The following KANK1 variants were observed in gnomAD, a reference collection of about 807,000 sequenced individuals.
KANK1 encodes KN motif and ankyrin repeat domains 1.
In KANK1, 109 loss-of-function variants were observed where a neutral mutation model predicts 106.2. The observed-to-expected ratio is 1.03, with a 90% CI of 0.88 to 1.20. The LOEUF is 1.20. Ranked by LOEUF, KANK1 falls within the 50% of genes most tolerant of loss-of-function variation. The pLI, the probability that KANK1 is intolerant of heterozygous loss-of-function variation, is 0.00. For missense variants in KANK1, 2,399 were observed against 1,710.7 expected (o/e 1.40, Z -7.10); for synonymous variants, 873 against 652.2 (o/e 1.34, Z -5.16).
chr9:580,344 T>C (rs930776180), intron 1 of KANK1, among the ~76,000 whole-genome samples: 1 of 152,130 alleles, frequency 6.6e-6, no homozygotes, highest in Non-Finnish European at 1.5e-5. Context: ...GCAAGATTTA[T>C]TGCAAAGAGT....
chr9:477,573 T>G (rs546733799), intron 3 of KANK1, among the ~76,000 whole-genome samples: 2 of 152,246 alleles, frequency 1.3e-5, no homozygotes, highest in South Asian at 2.1e-4. Flanking sequence ...GAAGAAAAGA[T>G]AGAGATTAAA....
At chr9:605,270 C>A (rs1397559252) in intron 1 of KANK1, among the ~76,000 whole-genome samples, 2 of 139,766 alleles carry the variant, frequency 1.4e-5, no homozygotes, top group African/African-American at 2.7e-5. Context: ...CACTGCACTC[C>A]AGCCTGGGCA....
chr9:707,268 G>A, intron 2 of KANK1: 1 of 980,782 alleles, frequency 1.0e-6, no homozygotes, highest in Non-Finnish European at 1.2e-6. Flanking sequence ...TGCGAGCGGC[G>A]TGGGGCGGCC....
intron 1 of KANK1, among the ~76,000 whole-genome samples, chr9:524,921 T>G (rs1362765189): frequency 6.6e-6 from 1 of 151,422 alleles, no homozygotes; most frequent in African/African-American, 2.5e-5. Context: ...TTAACATGCT[T>G]GTAAACTACT....
intron 3 of KANK1, among the ~76,000 whole-genome samples, chr9:720,672 T>G (rs996103708): frequency 6.6e-6 from 1 of 152,180 alleles, no homozygotes; most frequent in Admixed American, 6.5e-5. Context: ...TTGTTTTTCC[T>G]CAGAGACGGG....
chr9:734,870 T>A, intron 7 of KANK1, 35 bp downstream of exon 7: 1 of 1,488,824 alleles, frequency 6.7e-7, no homozygotes, highest in Non-Finnish European at 9.4e-7. Context: ...CCCCAGTGTG[T>A]ACAAAGTGCA....
chr9:721,444 C>T (rs1297973581), intron 3 of KANK1, among the ~76,000 whole-genome samples: 2 of 152,288 alleles, frequency 1.3e-5, no homozygotes, highest in Non-Finnish European at 2.9e-5. Flanking sequence ...ATGGCAAATA[C>T]TTACTCTTGC....
At chr9:679,312 G>C (rs1817038249) in intron 2 of KANK1, among the ~76,000 whole-genome samples, 1 of 151,950 alleles carries the variant, frequency 6.6e-6, no homozygotes, top group South Asian at 2.1e-4. Context: ...ACATATATGT[G>C]TGTATGTGTC....
At chr9:575,138 A>G (rs969470918) in intron 1 of KANK1, among the ~76,000 whole-genome samples, 2 of 152,232 alleles carry the variant, frequency 1.3e-5, no homozygotes, top group African/African-American at 2.4e-5. Flanking sequence ...ACATATTTCA[A>G]TTAAAGCAGT....
intron 1 of KANK1, among the ~76,000 whole-genome samples, chr9:607,225 C>T (rs1023628972): frequency 6.6e-6 from 1 of 151,714 alleles, no homozygotes; most frequent in East Asian, 1.9e-4. Flanking sequence ...GTGACTTATG[C>T]CTGTAATCCC....
upstream of KANK1, chr9:504,694 C>T (rs1449417134): frequency 6.7e-6 from 1 of 150,220 alleles, no homozygotes; most frequent in African/African-American, 2.4e-5. Context: ...CGCCCTTCCC[C>T]GAGCTCCGGG....
chr9:616,730 T>C (rs1328937826), intron 1 of KANK1, among the ~76,000 whole-genome samples: 1 of 152,032 alleles, frequency 6.6e-6, no homozygotes. Flanking sequence ...CCATTATTTG[T>C]CAGCTGCAGC....
At chr9:634,272 A>G (rs1588440613) in intron 1 of KANK1, among the ~76,000 whole-genome samples, 1 of 152,092 alleles carries the variant, frequency 6.6e-6, no homozygotes, top group African/African-American at 2.4e-5. Flanking sequence ...TTGGTTGAGG[A>G]TGAAATCATA....
intron 3 of KANK1, among the ~76,000 whole-genome samples, chr9:482,598 C>G (rs1291365871): frequency 6.6e-6 from 1 of 152,210 alleles, no homozygotes; most frequent in Non-Finnish European, 1.5e-5. Context: ...CCCAAGTCTT[C>G]TGTCTCCAAA....
rs146448532 is a variant in KANK1 at position 615,612 on chromosome 9, C to G, written c.-83-61278C>G. On this transcript the variant is annotated intron_variant, in intron 1 of 11. Coordinates refer to ENST00000382297, the MANE Select transcript of KANK1 (RefSeq NM_015158.5). ...CACAGAGTCAGTCCCATAGTATATC[C>G]TTTAGGTAAAGACTTAATTAATTGG... Among the ~76,000 whole-genome samples, 996 of 152,292 alleles carry G rather than the reference C, an allele frequency of 6.5e-3. 46 individuals are homozygous for G. The highest frequency in any genetic ancestry group is 0.06 in the Admixed American group (913 of 15,294).
chr9:561,592 T>G (rs1325670500), intron 1 of KANK1, among the ~76,000 whole-genome samples: 1 of 152,224 alleles, frequency 6.6e-6, no homozygotes, highest in Non-Finnish European at 1.5e-5. Flanking sequence ...TTATGGCTTT[T>G]GAATACTTAT....
At chr9:734,867 G>T in intron 7 of KANK1, 32 bp downstream of exon 7, 1 of 1,492,704 alleles carries the variant, frequency 6.7e-7, no homozygotes, top group Non-Finnish European at 9.3e-7. Context: ...CATCCCCAGT[G>T]TGTACAAAGT....
At chr9:706,875 A>C (rs756929952) in intron 2 of KANK1, 4 of 985,364 alleles carry the variant, frequency 4.1e-6, no homozygotes, top group Admixed American at 6.1e-5. Flanking sequence ...TTCATGAAGC[A>C]GTGACTAGTA....
intron 1 of KANK1, among the ~76,000 whole-genome samples, chr9:569,091 C>T (rs374522697): frequency 1.0e-3 from 158 of 152,218 alleles, no homozygotes; most frequent in African/African-American, 3.5e-3. Context: ...GCAGAGGTAT[C>T]TTCTCAGTAT....
Sources: allele counts gnomAD v4.1 joint callset (sites outside exome capture counted in the v4.1 genomes callset), GRCh38; gene constraint gnomAD v4.1.1; transcripts MANE v1.5; gene names NCBI Gene and HGNC (gene_info 2026-07-23, HGNC 2026-07-21).